SPG11: variants seen among roughly 807,000 people sequenced by gnomAD.
SPG11 encodes spatacsin.
Under a neutral mutation model 274.0 loss-of-function variants are expected in SPG11, and 222 were observed. The observed-to-expected ratio is 0.81, with a 90% CI of 0.73 to 0.91. The LOEUF is 0.91. Among genes scored for constraint, SPG11 ranks in the 40% least tolerant of loss-of-function variants. The pLI, the probability that SPG11 is intolerant of heterozygous loss-of-function variation, is 0.00. For missense variants in SPG11, 3,114 were observed against 2,872.7 expected (o/e 1.08, Z -1.92); for synonymous variants, 1,144 against 1,039.7 (o/e 1.10, Z -1.93).
chr15:44,581,937 A>C (rs1347327998), intron 30 of SPG11, among the ~76,000 whole-genome samples: 2 of 152,186 alleles, frequency 1.3e-5, no homozygotes, highest in Non-Finnish European at 2.9e-5. Flanking sequence ...CAATAAATTA[A>C]AATGGAAGAC....
In SPG11 at chr15:44,621,788, G is replaced by T. The variant is rs767999819; in HGVS notation, c.2591C>A (p.Ser864Tyr). The change falls in exon 14 of 40, where the codon TCC (serine) becomes TAC (tyrosine). Residue 864 changes from serine to tyrosine, a missense_variant. Coordinates refer to ENST00000261866, the MANE Select transcript of SPG11 (RefSeq NM_025137.4). ...TGGACTTATCCTGGGGAGAAGGATG[G>T]ATTCTTGTGTTAGTTGATCCCACCA... Reference protein sequence around the residue: ...ALWWDQLTQESILLPRISPEE... With the variant: ...ALWWDQLTQEYILLPRISPEE... 3 of 1,613,898 alleles carry T rather than the reference G, an allele frequency of 1.9e-6. No individual in the cohort carries two copies. The highest frequency in any genetic ancestry group is 2.5e-6 in the Non-Finnish European group (3 of 1,179,920).
Position 44,660,633 on chromosome 15 carries a change from A to C in SPG11, c.258-17T>G. The stretch of plus-strand genomic sequence containing the variant: ...CATAGAAAGCTAAGAAAAAAAGTTT[A>C]GATTTATTATATTCTATATCCGCAA... On this transcript the variant is annotated splice_polypyrimidine_tract_variant and intron_variant, in intron 1 of 39. Coordinates refer to ENST00000261866, the MANE Select transcript of SPG11 (RefSeq NM_025137.4). 1 of 1,612,568 alleles carries C rather than the reference A, an allele frequency of 6.2e-7. No homozygotes were observed. Among genetic ancestry groups the C allele is most frequent in the East Asian group, 2.2e-5 (1 of 44,868 alleles).
intron 8 of SPG11, among the ~76,000 whole-genome samples, chr15:44,630,604 G>A (rs931130390): frequency 1.3e-5 from 2 of 151,992 alleles, no homozygotes; most frequent in Admixed American, 6.6e-5. Flanking sequence ...TTTTTGAGAC[G>A]GCGTTTCACT....
At position 44,564,794 on chromosome 15, in the gene SPG11, T is replaced by G; in HGVS notation, c.7000-96A>C. The stretch of plus-strand genomic sequence containing the variant: ...GAAAACAATACTGTATACTCACTCA[T>G]GTAGTGAATATGATCATTACCAATT... On this transcript the variant is annotated intron_variant, in intron 38 of 39. Coordinates refer to ENST00000261866, the MANE Select transcript of SPG11 (RefSeq NM_025137.4). 1.4e-5 allele frequency: 18 copies of G among 1,288,182 alleles called. No individual in the cohort carries two copies. In the South Asian group the frequency reaches 1.8e-4, roughly 13 times the overall value. The allele number at this position is 1,288,182 out of a possible 1,614,324, so 79.8% of individuals were successfully genotyped here.
Position 44,615,384 on chromosome 15 carries a change from T to C in SPG11, c.3017A>G (p.Tyr1006Cys), listed in dbSNP as rs1374505304. The C allele has an allele frequency of 1.2e-6, 2 of 1,613,868 alleles. No homozygotes were observed. The highest frequency in any genetic ancestry group is 1.7e-6 in the Non-Finnish European group (2 of 1,179,982). Residue 1006 changes from tyrosine to cysteine, a missense_variant, in exon 16 of 40, where the codon TAT becomes TGT. Tyr to Cys is a radical substitution (Grantham distance 194). Coordinates refer to ENST00000261866, the MANE Select transcript of SPG11 (RefSeq NM_025137.4). ...CLEHSLQHLL[Y>C]VYLDCYKLSP... ...TCACTTGTAACAGTCAAGGTAGACA[T>C]AAAGAAGATGCTGCAGACTGTGCTC...
chr15:44,661,107 A>G (rs2085092292), intron 1 of SPG11, among the ~76,000 whole-genome samples: 1 of 152,206 alleles, frequency 6.6e-6, no homozygotes, highest in Non-Finnish European at 1.5e-5. Context: ...CGTGATGGAA[A>G]TGTTTTATAT....
rs1252919994 is a variant in SPG11, at chr15:44,584,503, G to C, written c.5177C>G (p.Ala1726Gly). Residue 1726 changes from alanine to glycine, a missense_variant, in exon 30 of 40, where the codon GCA (alanine) becomes GGA (glycine). Transcript: ENST00000261866. ...GCATTTTTTCCAGAAGTCAATTCTT[G>C]CTTGTTTTAGTGACCACTGTTCAAT... ...KHIEQWSLKQARIDFWKKCHE... is the reference protein window; with the variant it reads ...KHIEQWSLKQGRIDFWKKCHE... 1.2e-6 allele frequency: 2 copies of C among 1,613,750 alleles called. No homozygotes were observed. The highest frequency in any genetic ancestry group is 1.7e-5 in the Admixed American group (1 of 60,022).
In SPG11 at chr15:44,578,418, C is replaced by T. The variant is rs190880332; in HGVS notation, c.5867-3377G>A. 3.4e-4 allele frequency among the ~76,000 whole-genome samples: 52 copies of T among 152,210 alleles called. 1 individual carries two copies. In the East Asian group the frequency reaches 9.9e-3, roughly 29 times the overall value. ...TGCTTTTGCATTACCCTCCTGTCAC[C>T]TGGCCCTGGGTGTAGGAATAGTCAG... is the stretch of plus-strand genomic sequence containing the variant. On this transcript the variant is annotated intron_variant, in intron 30 of 39. Coordinates refer to ENST00000261866, the MANE Select transcript of SPG11 (RefSeq NM_025137.4).
At chr15:44,630,317 AC>A (rs1270951468) in intron 8 of SPG11, among the ~76,000 whole-genome samples, 6 of 152,126 alleles carry the variant, frequency 3.9e-5, no homozygotes, top group African/African-American at 1.4e-4. Context: ...TAAGGCTATT[AC>A]CAGTGCTTCT....
chr15:44,575,144 C>A, intron 30 of SPG11, 103 bp from the exon 31 acceptor site: 1 of 1,401,164 alleles, frequency 7.1e-7, no homozygotes, highest in Non-Finnish European at 9.8e-7. Flanking sequence ...CTGCACTGCA[C>A]TCCCATTACT....
At chr15:44,634,816 A>G (rs557702099) in intron 7 of SPG11, among the ~76,000 whole-genome samples, 74 of 152,184 alleles carry the variant, frequency 4.9e-4, no homozygotes, top group Middle Eastern at 6.8e-3. Flanking sequence ...ACCTCAGGTG[A>G]GGATCCTCCC....
In SPG11 at chr15:44,659,287, A is replaced by T; in HGVS notation, c.459T>A (p.Ser153=). The change falls in exon 3 of 40, where the codon TCT becomes TCA. Residue 153 remains serine, a synonymous_variant. Coordinates refer to ENST00000261866, the MANE Select transcript of SPG11 (RefSeq NM_025137.4). The part of the protein sequence containing the change: ...DDQDISISLL[S]LRILSFHNNT... The stretch of plus-strand genomic sequence containing the variant: ...TATTGTGAAATGACAGGATTCTCAA[A>T]GACAATAAGGAAATACCTACAAAAC... The T allele has an allele frequency of 6.2e-7, 1 of 1,613,628 alleles. No homozygotes were observed. The highest frequency in any genetic ancestry group is 8.5e-7 in the Non-Finnish European group (1 of 1,179,498).
At chr15:44,627,981 AT>A (rs1421723332) in intron 10 of SPG11, among the ~76,000 whole-genome samples, 1 of 152,178 alleles carries the variant, frequency 6.6e-6, no homozygotes. Flanking sequence ...AAGAACAGCA[AT>A]CTTAACAACC....
rs199873327 is a variant in SPG11, at chr15:44,569,486, A to G, written c.6497T>C (p.Ile2166Thr). The G allele has an allele frequency of 1.0e-4, 163 of 1,596,290 alleles. No individual in the cohort carries two copies. Among genetic ancestry groups the G allele is most frequent in the Non-Finnish European group, 1.3e-4 (150 of 1,170,604 alleles). ...GTATGTCATCTCGTTGTACCTTCCAATGCCAGTGAGGAGCCGTACCTGTGA... is the reference window on the plus strand; with the variant it reads ...GTATGTCATCTCGTTGTACCTTCCAGTGCCAGTGAGGAGCCGTACCTGTGA... ...YGLVVRLLTG[I>T]GRYNEMTYIF... The change falls in exon 35 of 40, where the codon ATT becomes ACT. Residue 2166 changes from isoleucine to threonine, a missense_variant. Coordinates refer to ENST00000261866, the MANE Select transcript of SPG11 (RefSeq NM_025137.4).
In SPG11 at chr15:44,571,785, C is replaced by T. The variant is rs548311951; in HGVS notation, c.6343+898G>A. On this transcript the variant is annotated intron_variant, in intron 33 of 39. Coordinates refer to ENST00000261866, the MANE Select transcript of SPG11 (RefSeq NM_025137.4). ...GTGCTGGGATTACAGGCTTGAGCCA[C>T]TGCGCCTGGCCTTAAATTTCTTTTA... Among the ~76,000 whole-genome samples, 43 of 152,254 alleles carry T rather than the reference C, an allele frequency of 2.8e-4. No individual in the cohort carries two copies. The South Asian group carries it at 7.9e-3, about 28-fold the overall frequency.
At chr15:44,615,634 A>G (rs2083575296) in intron 15 of SPG11, 68 bp from the exon 16 acceptor site, 2 of 1,348,498 alleles carry the variant, frequency 1.5e-6, no homozygotes, top group Admixed American at 1.7e-5. Flanking sequence ...AATCATGCCC[A>G]CAGTTTAGGT....
chr15:44,629,588 C>T (rs2083999245), intron 8 of SPG11, among the ~76,000 whole-genome samples, 200 bp from the exon 9 acceptor site: 1 of 152,200 alleles, frequency 6.6e-6, no homozygotes, highest in African/African-American at 2.4e-5. Context: ...TTATCATTTA[C>T]TGATATCACT....
chr15:44,589,198 A>C, intron 28 of SPG11, 54 bp downstream of exon 28: 1 of 1,587,464 alleles, frequency 6.3e-7, no homozygotes, highest in Non-Finnish European at 8.6e-7. Context: ...AAGTATTTTC[A>C]AGATTAAGAA....
chr15:44,599,158 G>A (rs2083119871), intron 21 of SPG11, among the ~76,000 whole-genome samples: 1 of 152,078 alleles, frequency 6.6e-6, no homozygotes. Context: ...TATCAATTAT[G>A]AGTACGTATA....
Sources: gnomAD v4.1 joint callset for allele counts (sites outside exome capture counted in the v4.1 genomes callset) on GRCh38, gnomAD v4.1.1 for gene constraint, MANE v1.5 for transcripts, NCBI Gene and HGNC (gene_info 2026-07-23, HGNC 2026-07-21) for gene names.